ADGRG6: variants seen among roughly 807,000 people sequenced by gnomAD.
ADGRG6 encodes G-protein coupled receptor 126.
ADGRG6 carries 84 observed loss-of-function variants against 142.4 expected under a neutral mutation model. That is an observed-to-expected ratio of 0.59 (90% CI 0.49 to 0.71). The LOEUF (loss-of-function observed/expected upper bound fraction) is 0.71. Among genes scored for constraint, ADGRG6 ranks in the 30% least tolerant of loss-of-function variants. ADGRG6 has a pLI of 0.00. For missense variants in ADGRG6, 1,367 were observed against 1,466.6 expected (o/e 0.93, Z 1.11); for synonymous variants, 521 against 520.5 (o/e 1.00, Z -0.01).
chr6:142,321,343 A>T (rs1019934086), intron 2 of ADGRG6, among the ~76,000 whole-genome samples: 4 of 151,522 alleles, frequency 2.6e-5, no homozygotes, highest in African/African-American at 9.7e-5. Context: ...TAATTATATT[A>T]TTGGGTATTT....
chr6:142,400,793 CA>C, intron 11 of ADGRG6, 197 bp downstream of exon 11: 1 of 499,748 alleles, frequency 2.0e-6, no homozygotes, highest in East Asian at 3.2e-5. Flanking sequence ...GTTTTCCTCC[CA>C]GCCACATGCT....
intron 22 of ADGRG6, among the ~76,000 whole-genome samples, chr6:142,426,062 C>G: frequency 6.6e-6 from 1 of 152,098 alleles, no homozygotes; most frequent in East Asian, 1.9e-4. Flanking sequence ...CACAGCCAAA[C>G]CATATTATTC....
At chr6:142,421,956 C>G (rs1271572581) in intron 22 of ADGRG6, among the ~76,000 whole-genome samples, 1 of 152,070 alleles carries the variant, frequency 6.6e-6, no homozygotes. Context: ...AGGCTTGTGC[C>G]AAAACTTCTT....
intron 2 of ADGRG6, among the ~76,000 whole-genome samples, chr6:142,366,518 C>T (rs1780947505): frequency 6.6e-6 from 1 of 152,140 alleles, no homozygotes. Flanking sequence ...TCTCTTTATC[C>T]TTTGCTTTAC....
At chr6:142,314,027 A>G (rs1777902554) in intron 2 of ADGRG6, among the ~76,000 whole-genome samples, 1 of 152,180 alleles carries the variant, frequency 6.6e-6, no homozygotes, top group Admixed American at 6.5e-5. Flanking sequence ...AAGTGCTCCA[A>G]ATTACTGTCT....
chr6:142,402,872 A>G (rs1022985754), intron 13 of ADGRG6, 42 bp downstream of exon 13: 4 of 1,048,268 alleles, frequency 3.8e-6, no homozygotes, highest in Non-Finnish European at 2.8e-6. Context: ...TTTATTGGAT[A>G]ATGATGTTAC....
chr6:142,367,680 G>A lies in ADGRG6; in HGVS notation c.215G>A (p.Arg72Gln), dbSNP rs192254609. Residue 72 changes from arginine to glutamine, a missense_variant, in exon 3 of 25, where the codon CGA (arginine) becomes CAA (glutamine). Physicochemically the swap from Arg to Gln is conservative, Grantham distance 43. Around this residue, in one of 3 missense-constraint regions of ADGRG6, gnomAD observed 737 missense variants for 746.5 expected, o/e 0.99. Transcript: ENST00000367609. Reference protein sequence around the residue: ...PNSQACMWTLRAPTGYIIQIT... With the variant: ...PNSQACMWTLQAPTGYIIQIT... Reference sequence around the variant, plus strand: ...AGCCAGGCTTGCATGTGGACGCTCCGAGCCCCCACCGGTTATATCATTCAG... The same window carrying A: ...AGCCAGGCTTGCATGTGGACGCTCCAAGCCCCCACCGGTTATATCATTCAG... 8.3e-5 allele frequency: 134 copies of A among 1,613,656 alleles called. 1 individual carries two copies. In the Admixed American group the frequency reaches 1.9e-3, roughly 22 times the overall value.
chr6:142,334,043 A>C (rs180906253), intron 2 of ADGRG6, among the ~76,000 whole-genome samples: 51 of 152,288 alleles, frequency 3.3e-4, no homozygotes, highest in African/African-American at 1.2e-3. Context: ...TGTCTGAAGG[A>C]AGAAAGTCGG....
chr6:142,400,887 C>G, intron 11 of ADGRG6: 1 of 237,198 alleles, frequency 4.2e-6, no homozygotes, highest in East Asian at 8.8e-5. Flanking sequence ...TGTGGATGAA[C>G]CTAGCCTACC....
chr6:142,326,513 C>CT (rs796807185), intron 2 of ADGRG6, among the ~76,000 whole-genome samples: 90 of 139,300 alleles, frequency 6.5e-4, no homozygotes, highest in South Asian at 3.9e-3. Context: ...AGACTCTTGG[C>CT]TTTTTTTTTT....
intron 6 of ADGRG6, among the ~76,000 whole-genome samples, chr6:142,387,041 C>T (rs1782063494): frequency 6.6e-6 from 1 of 152,196 alleles, no homozygotes; most frequent in African/African-American, 2.4e-5. Context: ...TGTAATGAAG[C>T]TCTGTTGAAT....
At chr6:142,393,635 G>A (rs184915571) in intron 8 of ADGRG6, among the ~76,000 whole-genome samples, 2 of 152,212 alleles carry the variant, frequency 1.3e-5, no homozygotes, top group East Asian at 3.9e-4. Flanking sequence ...CAGGAAGTAC[G>A]TTATTGTACA....
chr6:142,357,922 A>G (rs1780531121), intron 2 of ADGRG6, among the ~76,000 whole-genome samples: 2 of 152,226 alleles, frequency 1.3e-5, no homozygotes, highest in Non-Finnish European at 1.5e-5. Context: ...TTGCTATTTA[A>G]TAACAACCAC....
chr6:142,309,397 C>T, intron 1 of ADGRG6, 147 bp from the exon 2 acceptor site: 2 of 517,018 alleles, frequency 3.9e-6, no homozygotes, highest in Non-Finnish European at 6.8e-6. Context: ...AAGTCGTCAT[C>T]ATCTTTTAAG....
At chr6:142,424,838 G>T (rs977283868) in intron 22 of ADGRG6, among the ~76,000 whole-genome samples, 8 of 152,018 alleles carry the variant, frequency 5.3e-5, no homozygotes, top group South Asian at 2.1e-4. Context: ...TAAATATATT[G>T]CTCTATAGAA....
At chr6:142,425,404 T>C (rs1430854510) in intron 22 of ADGRG6, among the ~76,000 whole-genome samples, 9 of 152,184 alleles carry the variant, frequency 5.9e-5, no homozygotes, top group African/African-American at 2.2e-4. Flanking sequence ...AAAATACTCA[T>C]CATTGATTTG....
At position 142,370,508 on chromosome 6, in the gene ADGRG6, G is replaced by T; in HGVS notation, c.784G>T (p.Gly262Cys). 6.2e-7 allele frequency: 1 copy of T among 1,613,562 alleles called. No homozygotes were observed. The highest frequency in any genetic ancestry group is 2.2e-5 in the East Asian group (1 of 44,864). ...CTGCCTTGTTTGGAATAATTCTTTGGGCTCTATTGGTGTAAATTTCAAAAG... is the reference window on the plus strand; with the variant it reads ...CTGCCTTGTTTGGAATAATTCTTTGTGCTCTATTGGTGTAAATTTCAAAAG... ...QLCLVWNNSL[G>C]SIGVNFKRNY... Residue 262 changes from glycine (G) to cysteine (C), a missense_variant, in exon 4 of 25, where the codon GGC (glycine) becomes TGC (cysteine). This residue lies in a region of ADGRG6 where 737 missense variants were observed against 746.5 expected (regional missense o/e 0.99). Transcript: ENST00000367609.
chr6:142,416,083 T>C lies in ADGRG6; in HGVS notation c.2938+19T>C. 1 of 1,580,760 alleles carries C rather than the reference T, an allele frequency of 6.3e-7. No homozygotes were observed. Among genetic ancestry groups the C allele is most frequent in the Non-Finnish European group, 8.6e-7 (1 of 1,162,618 alleles). ...GGCTGGGGTAAGCCTCTTAAAATTT[T>C]TTTGGTTTTGTTTTTCCCTCATGAA... On this transcript the variant is annotated intron_variant, in intron 20 of 24. Coordinates refer to ENST00000367609, the MANE Select transcript of ADGRG6 (RefSeq NM_198569.3).
intron 2 of ADGRG6, among the ~76,000 whole-genome samples, chr6:142,311,016 C>T (rs1012792670): frequency 4.0e-5 from 6 of 151,834 alleles, no homozygotes; most frequent in African/African-American, 1.5e-4. Context: ...ACGGCACCTC[C>T]AATTTGGACT....
Sources: allele counts gnomAD v4.1 joint callset (sites outside exome capture counted in the v4.1 genomes callset), GRCh38; gene constraint gnomAD v4.1.1; regional missense constraint gnomAD v4.1.1; transcripts MANE v1.5; gene names NCBI Gene and HGNC (gene_info 2026-07-23, HGNC 2026-07-21).